The following KCNH2 variants were observed in gnomAD, a reference collection of about 807,000 sequenced individuals.
The protein encoded by KCNH2 is voltage-gated inwardly rectifying potassium channel KCNH2.
A neutral mutation model predicts 95.9 loss-of-function variants in KCNH2; 35 were observed. The ratio of observed to expected loss-of-function variants is 0.37; its 90% CI spans 0.28 to 0.48. The LOEUF (loss-of-function observed/expected upper bound fraction) is 0.48. Ranked by LOEUF, KCNH2 falls within the 20% of genes least tolerant of loss-of-function variation. The probability of loss-of-function intolerance (pLI) is 0.99; values close to 1 mark genes in which losing one functional copy is unlikely to be tolerated. For synonymous variants in KCNH2, 786 were observed against 754.7 expected (o/e 1.04, Z -0.68); for missense variants, 1,274 against 1,702.9 (o/e 0.75, Z 4.43).
At chr7:150,949,957 T>C in intron 9 of KCNH2, 1 of 1,542,174 alleles carries the variant, frequency 6.5e-7, no homozygotes, top group Non-Finnish European at 8.8e-7. Flanking sequence ...AAGGAGAATG[T>C]GGGAACCCCA....
chr7:150,952,951 G>A lies in KCNH2; in HGVS notation c.1129-98C>T. On this transcript the variant is annotated intron_variant, in intron 5 of 14. Coordinates refer to ENST00000262186, the MANE Select transcript of KCNH2 (RefSeq NM_000238.4). The surrounding 1 kb of genome is among the most constrained non-coding windows in gnomAD (Gnocchi z 7.3). ...TGCCGGGGCCAAGCAGAATGAGGAG[G>A]AGGCCAAAAAAAGCTTCCATCAGAA... The A allele has an allele frequency of 1.6e-6, 2 of 1,223,592 alleles. No individual in the cohort carries two copies. Among genetic ancestry groups the A allele is most frequent in the Admixed American group, 2.1e-5 (1 of 47,488 alleles). 75.8% of individuals were successfully genotyped at this position (1,223,592 alleles called of 1,614,324 possible).
chr7:150,972,642 C>T (rs918381338), intron 2 of KCNH2, among the ~76,000 whole-genome samples: 2 of 152,234 alleles, frequency 1.3e-5, no homozygotes, highest in African/African-American at 2.4e-5. Context: ...TTCTGGGTCA[C>T]AGCCCCATTT....
In KCNH2 at chr7:150,946,950, G is replaced by A; in HGVS notation, c.3257C>T (p.Pro1086Leu). ...CAGCGGGGATGTGGAAGTGGGGCCA[G>A]GCCCCGGGGTGGTCACAGCACTGTA... Reference protein sequence around the residue: ...PAYSAVTTPGPGPTSTSPLLP... With the variant: ...PAYSAVTTPGLGPTSTSPLLP... Residue 1086 changes from proline to leucine, a missense_variant, in exon 14 of 15, where the codon CCT becomes CTT. By Grantham distance (98) the Pro-to-Leu change is moderately conservative (BLOSUM62 -3). Coordinates refer to ENST00000262186, the MANE Select transcript of KCNH2 (RefSeq NM_000238.4). The surrounding 1 kb of genome is among the most constrained non-coding windows in gnomAD (Gnocchi z 6.5). The A allele has an allele frequency of 6.2e-7, 1 of 1,605,774 alleles. No homozygotes were observed. Among genetic ancestry groups the A allele is most frequent in the South Asian group, 1.1e-5 (1 of 90,170 alleles).
In KCNH2 at chr7:150,958,404, GGGCGCCCGC is replaced by G. The variant is rs1309145286; in HGVS notation, c.562_570del (p.Ala188_Ala190del). On this transcript the variant is annotated inframe_deletion, in exon 4 of 15. Coordinates refer to ENST00000262186, the MANE Select transcript of KCNH2 (RefSeq NM_000238.4). ...TCCACGTCCACCACCACGGCCCCCGGGGCGCCCGCGCCGCCCGCGCCGCCCGACCGCACC... is the reference window on the plus strand; with the variant it reads ...TCCACGTCCACCACCACGGCCCCCGGGCCGCCCGCGCCGCCCGACCGCACC... 1 of 1,450,078 alleles carries G rather than the reference GGGCGCCCGC, an allele frequency of 6.9e-7. No homozygotes were observed. Among genetic ancestry groups the G allele is most frequent in the Admixed American group, 2.7e-5 (1 of 36,850 alleles). The allele number at this position is 1,450,078 out of a possible 1,614,324, so 89.8% of individuals were successfully genotyped here.
At chr7:150,954,597 C>T (rs1278477434) in intron 5 of KCNH2, among the ~76,000 whole-genome samples, 2 of 152,220 alleles carry the variant, frequency 1.3e-5, no homozygotes. Flanking sequence ...TTGCTTAAGC[C>T]AAACCCTGAC....
chr7:150,957,617 G>T, intron 4 of KCNH2, 115 bp from the exon 5 acceptor site: 1 of 776,214 alleles, frequency 1.3e-6, no homozygotes, highest in Non-Finnish European at 2.2e-6. Context: ...CATGGGGTCA[G>T]CTCAAGAGAC....
chr7:150,951,985 C>T, intron 6 of KCNH2, 150 bp from the exon 7 acceptor site: 1 of 719,056 alleles, frequency 1.4e-6, no homozygotes, highest in Non-Finnish European at 2.2e-6. Flanking sequence ...CCACACTGGG[C>T]CCAGCACAGG....
Position 150,950,187 on chromosome 7 carries a change from G to A in KCNH2, c.2379C>T (p.Asp793=), listed in dbSNP as rs147507005. ...CCATACCCAGGATGGCCACGACGAC[G>A]TCGCCCCGCAGGATCTCGATGGAGC... is the stretch of plus-strand genomic sequence containing the variant. ...SRGSIEILRG[D]VVVAILGKND... The change falls in exon 9 of 15, where the codon GAC becomes GAT. Residue 793 remains aspartate (D), a synonymous_variant. Transcript: ENST00000262186. 5.6e-6 allele frequency: 9 copies of A among 1,608,956 alleles called. No individual in the cohort carries two copies. The highest frequency in any genetic ancestry group is 1.4e-5 in the African/African-American group (1 of 73,282).
intron 2 of KCNH2, among the ~76,000 whole-genome samples, chr7:150,967,186 G>A (rs1388367312): frequency 2.0e-5 from 3 of 152,164 alleles, no homozygotes; most frequent in Admixed American, 6.5e-5. Context: ...GGCTGAGACA[G>A]GAGAATCGCT....
At chr7:150,949,924 T>C (rs1397873106) in intron 9 of KCNH2, 3 of 1,510,070 alleles carry the variant, frequency 2.0e-6, no homozygotes, top group Non-Finnish European at 2.7e-6. Flanking sequence ...AAAAAGTGTC[T>C]GTTTGTGGCG....
Position 150,945,730 on chromosome 7 carries a change from A to G in KCNH2, c.3331-216T>C, listed in dbSNP as rs916773602. ...GGAGGCACCAAGGTGGGAAGTAGAGAAAGGCATTCTCTGAGAGCAGGAGCC... is the reference window on the plus strand; with the variant it reads ...GGAGGCACCAAGGTGGGAAGTAGAGGAAGGCATTCTCTGAGAGCAGGAGCC... On this transcript the variant is annotated intron_variant, in intron 14 of 14. Coordinates refer to ENST00000262186, the MANE Select transcript of KCNH2 (RefSeq NM_000238.4). The surrounding 1 kb of genome is among the most constrained non-coding windows in gnomAD (Gnocchi z 5.6). Among the ~76,000 whole-genome samples, 1 of 152,182 alleles carries G rather than the reference A, an allele frequency of 6.6e-6. No individual in the cohort carries two copies. Among genetic ancestry groups the G allele is most frequent in the Non-Finnish European group, 1.5e-5 (1 of 68,018 alleles).
At chr7:150,977,591 G>A (rs1802007217) in intron 1 of KCNH2, among the ~76,000 whole-genome samples, 1 of 151,962 alleles carries the variant, frequency 6.6e-6, no homozygotes, top group East Asian at 1.9e-4. Context: ...CACACACTCC[G>A]ATCCCAAAAG....
At chr7:150,948,716 T>C in intron 10 of KCNH2, 140 bp downstream of exon 10, 1 of 1,082,874 alleles carries the variant, frequency 9.2e-7, no homozygotes, top group South Asian at 1.3e-5. Flanking sequence ...GTTTGGGACT[T>C]TTGTAGGCTG....
At chr7:150,954,709 G>A (rs1421664937) in intron 5 of KCNH2, among the ~76,000 whole-genome samples, 2 of 152,210 alleles carry the variant, frequency 1.3e-5, no homozygotes, top group Non-Finnish European at 2.9e-5. Flanking sequence ...TGGGGGCAGG[G>A]ATGGGATTCC....
intron 11 of KCNH2, 62 bp from the exon 12 acceptor site, chr7:150,947,940 T>C: frequency 2.0e-6 from 3 of 1,499,030 alleles, no homozygotes; most frequent in South Asian, 2.5e-5. Context: ...GGGGCGAGGG[T>C]GGAGGAGGGG....
chr7:150,952,279 A>C lies in KCNH2; in HGVS notation c.1557+146T>G. 2 of 933,452 alleles carry C rather than the reference A, an allele frequency of 2.1e-6. No homozygotes were observed. Among genetic ancestry groups the C allele is most frequent in the Non-Finnish European group, 3.3e-6 (2 of 603,144 alleles). The allele number at this position is 933,452 out of a possible 1,614,324, so 57.8% of individuals were successfully genotyped here. ...ACCTTGCCTCTGCAGCTGCCTTGCC[A>C]CCATGTCTCTCTCCCACTGTCTTTC... On this transcript the variant is annotated intron_variant, in intron 6 of 14. Coordinates refer to ENST00000262186, the MANE Select transcript of KCNH2 (RefSeq NM_000238.4). The surrounding 1 kb of genome is among the most constrained non-coding windows in gnomAD (Gnocchi z 7.3).
In KCNH2 at chr7:150,958,126, C is replaced by G. The variant is rs1801440759; in HGVS notation, c.849G>C (p.Ser283=). Residue 283 remains serine (S), a synonymous_variant, in exon 4 of 15, where the codon TCG becomes TCC. Coordinates refer to ENST00000262186, the MANE Select transcript of KCNH2 (RefSeq NM_000238.4). ...GCATGGCCTCGATGTCGTCGGCCGA[C>G]GAGGCGCGGCGCACGCTGGCGCAGC... ...RESCASVRRA[S]SADDIEAMRA... 7.7e-7 allele frequency: 1 copy of G among 1,300,148 alleles called. No individual in the cohort carries two copies. Among genetic ancestry groups the G allele is most frequent in the Non-Finnish European group, 9.7e-7 (1 of 1,028,452 alleles). 80.5% of individuals were successfully genotyped at this position (1,300,148 alleles called of 1,614,324 possible).
rs1438572909 is a variant in KCNH2, at chr7:150,946,827, C to T, written c.3330+50G>A. On this transcript the variant is annotated intron_variant, in intron 14 of 14. Transcript: ENST00000262186. This position sits in a 1 kb window ranked among gnomAD's most constrained non-coding sequence, Gnocchi z 6.5. ...CAGCAAAGCAGGTTTGGGCTGGAAT[C>T]GGGGAACAAGCGGGTCACGGTACAT... 22 of 1,536,650 alleles carry T rather than the reference C, an allele frequency of 1.4e-5. No individual in the cohort carries two copies. Among genetic ancestry groups the T allele is most frequent in the African/African-American group, 2.7e-5 (2 of 73,358 alleles).
intron 2 of KCNH2, among the ~76,000 whole-genome samples, chr7:150,963,058 G>T (rs150986119): frequency 3.4e-3 from 522 of 152,266 alleles, no homozygotes; most frequent in Non-Finnish European, 6.2e-3. Context: ...TTCTCCCACC[G>T]ACTCGCCCTG....
Sources: allele counts gnomAD v4.1 joint callset (sites outside exome capture counted in the v4.1 genomes callset), GRCh38; gene constraint gnomAD v4.1.1; non-coding constraint Gnocchi (gnomAD v3.1); transcripts MANE v1.5; gene names NCBI Gene and HGNC (gene_info 2026-07-23, HGNC 2026-07-21).